ELMO1: variants seen among roughly 807,000 people sequenced by gnomAD.
ELMO1 encodes the protein engulfment and cell motility 1, also known as engulfment and cell motility protein 1.
ELMO1 carries 26 observed loss-of-function variants against 98.9 expected under a neutral mutation model. That is an observed-to-expected ratio of 0.26 (90% confidence interval 0.19 to 0.36). The LOEUF is 0.36. Among genes scored for constraint, ELMO1 ranks in the 10% least tolerant of loss-of-function variants. The pLI is 1.00. For synonymous variants in ELMO1, 346 were observed against 346.0 expected (o/e 1.00, Z 0.00); for missense variants, 627 against 935.2 (o/e 0.67, Z 4.30).
intron 15 of ELMO1, among the ~76,000 whole-genome samples, chr7:37,086,675 G>A (rs770447970): frequency 2.7e-5 from 4 of 147,120 alleles, no homozygotes; most frequent in East Asian, 2.0e-4. Flanking sequence ...CCCAGGAGGC[G>A]GAGGTTGCAG....
At chr7:36,956,898 A>G (rs1036416308) in intron 16 of ELMO1, among the ~76,000 whole-genome samples, 7 of 152,198 alleles carry the variant, frequency 4.6e-5, no homozygotes, top group Non-Finnish European at 7.3e-5. Flanking sequence ...CTTTCCCAAT[A>G]ACTACTCTTC....
intron 1 of ELMO1, among the ~76,000 whole-genome samples, chr7:37,380,478 G>A (rs1227518815): frequency 6.6e-6 from 1 of 152,216 alleles, no homozygotes; most frequent in Non-Finnish European, 1.5e-5. Flanking sequence ...ATATGACCCA[G>A]TTTGCTTGAC....
chr7:36,878,827 C>T (rs1189488126), intron 18 of ELMO1, among the ~76,000 whole-genome samples: 2 of 152,202 alleles, frequency 1.3e-5, no homozygotes, highest in African/African-American at 4.8e-5. Flanking sequence ...GCCTCAGTCT[C>T]TCAAAAGTGA....
intron 14 of ELMO1, among the ~76,000 whole-genome samples, chr7:37,121,216 G>A (rs527831605): frequency 1.4e-4 from 21 of 151,994 alleles, no homozygotes; most frequent in East Asian, 1.2e-3. Flanking sequence ...AAATCAGAGC[G>A]CCTCTCCTCC....
intron 16 of ELMO1, among the ~76,000 whole-genome samples, chr7:36,943,221 C>CA (rs1787198142): frequency 6.6e-6 from 1 of 152,228 alleles, no homozygotes; most frequent in Admixed American, 6.5e-5. Flanking sequence ...AAAGTCCTTC[C>CA]ACTGTGTACG....
At chr7:37,167,573 T>G (rs551267463) in intron 13 of ELMO1, among the ~76,000 whole-genome samples, 98 of 148,556 alleles carry the variant, frequency 6.6e-4, no homozygotes, top group South Asian at 1.3e-3. Context: ...GTCTGTAAAG[T>G]ATTTTATTTC....
At chr7:37,310,319 C>G (rs993197896) in intron 4 of ELMO1, among the ~76,000 whole-genome samples, 1 of 152,214 alleles carries the variant, frequency 6.6e-6, no homozygotes, top group Non-Finnish European at 1.5e-5. Flanking sequence ...TCCACAAGCA[C>G]ACAACCTAAC....
At chr7:36,880,806 C>CAG (rs1804389640) in intron 18 of ELMO1, among the ~76,000 whole-genome samples, 6 of 152,324 alleles carry the variant, frequency 3.9e-5, no homozygotes, top group Admixed American at 3.9e-4. Flanking sequence ...CAGTAATGAT[C>CAG]AGAGAACAGT....
chr7:37,275,599 T>C (rs1796790383), intron 4 of ELMO1, among the ~76,000 whole-genome samples: 1 of 152,194 alleles, frequency 6.6e-6, no homozygotes. Flanking sequence ...ACGCAGGCAC[T>C]GCATCTAGAC....
intron 9 of ELMO1, among the ~76,000 whole-genome samples, chr7:37,224,240 G>T (rs1793748279): frequency 1.3e-5 from 2 of 152,198 alleles, no homozygotes; most frequent in Admixed American, 6.5e-5. Flanking sequence ...GTCCTTCTCA[G>T]GTTGGTATTG....
chr7:37,224,950 G>A lies in ELMO1; in HGVS notation c.630C>T (p.Leu210=). The change falls in exon 9 of 22, where the codon CTC becomes CTT. Residue 210 remains leucine, a synonymous_variant. Coordinates refer to ENST00000310758, the MANE Select transcript of ELMO1 (RefSeq NM_014800.11). ...CTTTCTGGTAGAGGTCATGGCTATT[G>A]AGCACCATCGACTCCAAAATGGCCA... is the stretch of plus-strand genomic sequence containing the variant. The part of the protein sequence containing the change: ...RSLAILESMV[L]NSHDLYQKVA... The A allele has an allele frequency of 6.2e-7, 1 of 1,614,074 alleles. No homozygotes were observed. Among genetic ancestry groups the A allele is most frequent in the Non-Finnish European group, 8.5e-7 (1 of 1,179,986 alleles).
chr7:37,005,468 A>AT (rs1793014190), intron 16 of ELMO1, among the ~76,000 whole-genome samples: 1 of 152,018 alleles, frequency 6.6e-6, no homozygotes, highest in South Asian at 2.1e-4. Context: ...AAGGCAGGTG[A>AT]ATCACCTGAG....
chr7:37,279,387 CT>C (rs1191518880), intron 4 of ELMO1, among the ~76,000 whole-genome samples: 1 of 152,120 alleles, frequency 6.6e-6, no homozygotes, highest in Non-Finnish European at 1.5e-5. Flanking sequence ...CGGAAGCTCG[CT>C]TTGTGGATTT....
At chr7:37,173,452 C>T (rs1325697285) in intron 13 of ELMO1, among the ~76,000 whole-genome samples, 1 of 152,206 alleles carries the variant, frequency 6.6e-6, no homozygotes. Context: ...AAATCTGCCT[C>T]GGATTATACA....
At chr7:37,112,745 G>T (rs1785323630) in intron 14 of ELMO1, among the ~76,000 whole-genome samples, 1 of 152,052 alleles carries the variant, frequency 6.6e-6, no homozygotes, top group Admixed American at 6.6e-5. Flanking sequence ...ACCAGTGCAG[G>T]GAAAAAGTTG....
rs199992840 is a variant in ELMO1, at chr7:37,087,439, AT to A, written c.1300+9179del. On this transcript the variant is annotated intron_variant, in intron 15 of 21. Transcript: ENST00000310758. ...ATGCTAGCTTGTCACTTTCTGGCAG[AT>A]TTTTTTTTTTAATGATAAGAGTGTG... 8.8e-3 allele frequency among the ~76,000 whole-genome samples: 1,292 copies of A among 146,942 alleles called. 3 individuals carry two copies. Among genetic ancestry groups the A allele is most frequent in the Middle Eastern group, 0.014 (4 of 284 alleles).
At chr7:37,178,815 C>A (rs1790660531) in intron 13 of ELMO1, among the ~76,000 whole-genome samples, 1 of 152,120 alleles carries the variant, frequency 6.6e-6, no homozygotes, top group South Asian at 2.1e-4. Context: ...AACTGAAGAA[C>A]AGTCTACAAA....
At chr7:37,125,543 T>A (rs1358258752) in intron 14 of ELMO1, among the ~76,000 whole-genome samples, 1 of 152,174 alleles carries the variant, frequency 6.6e-6, no homozygotes, top group Non-Finnish European at 1.5e-5. Context: ...GAAATGCTCA[T>A]CATCACTGGC....
chr7:37,107,558 G>A (rs149778694), intron 14 of ELMO1, among the ~76,000 whole-genome samples: 39 of 152,276 alleles, frequency 2.6e-4, no homozygotes, highest in African/African-American at 8.4e-4. Flanking sequence ...GTTTTGACTC[G>A]CTCAACATTA....
Sources: gnomAD v4.1 joint callset for allele counts (sites outside exome capture counted in the v4.1 genomes callset) on GRCh38, gnomAD v4.1.1 for gene constraint, MANE v1.5 for transcripts, NCBI Gene and HGNC (gene_info 2026-07-23, HGNC 2026-07-21) for gene names.